The following SBF2 variants were observed in gnomAD, a reference collection of about 807,000 sequenced individuals.
SBF2 encodes the protein myotubularin-related protein 13.
A neutral mutation model predicts 225.2 loss-of-function variants in SBF2; 112 were observed. The observed-to-expected ratio is 0.50, with a 90% confidence interval of 0.43 to 0.58. The LOEUF is 0.58. Ranked by LOEUF, SBF2 falls within the 20% of genes least tolerant of loss-of-function variation. SBF2 has a pLI of 0.00. For missense variants in SBF2, 1,996 were observed against 2,206.2 expected, an observed-to-expected ratio of 0.90 and a Z score of 1.91; for synonymous variants, 763 against 773.3, an observed-to-expected ratio of 0.99 and a Z score of 0.22.
intron 26 of SBF2, chr11:9,838,007 A>C (rs1288372858): frequency 6.9e-6 from 1 of 145,384 alleles, no homozygotes; most frequent in Non-Finnish European, 1.5e-5. Context: ...AAGTGCTGGG[A>C]TTACAGGCGT....
intron 17 of SBF2, among the ~76,000 whole-genome samples, chr11:9,884,865 T>A (rs1860130304): frequency 6.6e-6 from 1 of 152,140 alleles, no homozygotes. Context: ...AAATATTCAA[T>A]CATGTAAACA....
At chr11:9,825,934 T>C (rs961468799) in intron 28 of SBF2, among the ~76,000 whole-genome samples, 7 of 152,232 alleles carry the variant, frequency 4.6e-5, no homozygotes, top group Non-Finnish European at 7.3e-5. Context: ...CAGAGGGGTT[T>C]ATATTATTTT....
rs1170874978 is a variant in SBF2 at position 9,980,289 on chromosome 11, TAA to T, written c.1395+9206_1395+9207del. 8.8e-3 allele frequency among the ~76,000 whole-genome samples: 934 copies of T among 105,822 alleles called. 6 individuals carry two copies. Among genetic ancestry groups the T allele is most frequent in the Middle Eastern group, 0.027 (5 of 188 alleles). The allele number at this position is 105,822 out of a possible 152,430, so 69.4% of individuals were successfully genotyped here. A position where few individuals can be genotyped will look rare whatever the true frequency, so the allele number is the denominator to read the frequency against. ...GCCACCATACCCAGCCTCTTGTAAT[TAA>T]AAAAAAAAAAAAAAAAAAAAAATTT... On this transcript the variant is annotated intron_variant, in intron 13 of 39. Coordinates refer to ENST00000256190, the MANE Select transcript of SBF2 (RefSeq NM_030962.4).
chr11:9,956,865 C>T (rs781620306), intron 16 of SBF2: 10 of 152,158 alleles, frequency 6.6e-5, no homozygotes, highest in Non-Finnish European at 1.0e-4. Context: ...GGAGAAAAGA[C>T]ATTGGGATAC....
chr11:9,843,323 G>A (rs1469920767), intron 24 of SBF2, among the ~76,000 whole-genome samples: 2 of 152,140 alleles, frequency 1.3e-5, no homozygotes, highest in African/African-American at 2.4e-5. Flanking sequence ...TAAACTTTAA[G>A]AAGCATAGAA....
At chr11:10,102,083 C>T (rs570905737) in intron 2 of SBF2, among the ~76,000 whole-genome samples, 2 of 152,186 alleles carry the variant, frequency 1.3e-5, no homozygotes, top group Non-Finnish European at 2.9e-5. Flanking sequence ...GTTTTAAAGA[C>T]TACTGGTAAA....
chr11:10,237,983 A>C (rs559232957), intron 1 of SBF2, among the ~76,000 whole-genome samples: 6 of 152,366 alleles, frequency 3.9e-5, no homozygotes, highest in African/African-American at 1.4e-4. Flanking sequence ...ATTACAAATA[A>C]AGCTACTACG....
rs183455328 is a variant in SBF2, at chr11:10,024,145, A to T, written c.619+4307T>A. Among the ~76,000 whole-genome samples the T allele has an allele frequency of 1.3e-3, 199 of 152,312 alleles. 2 individuals carry two copies. Among genetic ancestry groups the T allele is most frequent in the Admixed American group, 9.9e-3 (152 of 15,300 alleles). On this transcript the variant is annotated intron_variant, in intron 6 of 39. Coordinates refer to ENST00000256190, the MANE Select transcript of SBF2 (RefSeq NM_030962.4). ...TTTCAGGTTAATCTATGTTGCGTGT[A>T]TCAGCCATTCATTTTTCATTTAGCT...
chr11:10,020,448 C>A (rs1948807832), intron 6 of SBF2, among the ~76,000 whole-genome samples: 1 of 152,048 alleles, frequency 6.6e-6, no homozygotes, highest in Non-Finnish European at 1.5e-5. Context: ...CAGAAGCATG[C>A]CAACCTATAA....
At chr11:9,904,803 T>C (rs908179105) in intron 16 of SBF2, among the ~76,000 whole-genome samples, 10 of 152,174 alleles carry the variant, frequency 6.6e-5, no homozygotes, top group South Asian at 4.1e-4. Context: ...GGTGAGAGGA[T>C]TGCTTGAGCT....
intron 2 of SBF2, among the ~76,000 whole-genome samples, chr11:10,082,888 CAACCA>C (rs1590917859): frequency 1.3e-5 from 2 of 152,092 alleles, no homozygotes; most frequent in East Asian, 3.9e-4. Context: ...CCAGCCAGAG[CAACCA>C]GGCAAGAGAA....
intron 38 of SBF2, 69 bp from the exon 39 acceptor site, chr11:9,781,707 C>T: frequency 1.9e-6 from 3 of 1,554,412 alleles, no homozygotes; most frequent in Non-Finnish European, 2.7e-6. Flanking sequence ...TTTCAAACTG[C>T]ATTTGAATAC....
At chr11:9,961,160 C>T (rs770808757) in intron 16 of SBF2, 12 of 152,118 alleles carry the variant, frequency 7.9e-5, no homozygotes, top group Admixed American at 3.3e-4. Flanking sequence ...CCATTCCATA[C>T]AAATGATACA....
At chr11:9,966,002 A>T (rs1866885251) in intron 14 of SBF2, among the ~76,000 whole-genome samples, 1 of 152,236 alleles carries the variant, frequency 6.6e-6, no homozygotes, top group African/African-American at 2.4e-5. Flanking sequence ...TTATGTTTAT[A>T]AACTTTTAAA....
At chr11:9,901,626 T>A (rs1403674751) in intron 16 of SBF2, among the ~76,000 whole-genome samples, 1 of 152,162 alleles carries the variant, frequency 6.6e-6, no homozygotes, top group African/African-American at 2.4e-5. Flanking sequence ...CTATAAACCA[T>A]AAAATCTCAT....
At chr11:10,266,395 G>A (rs965457504) in intron 1 of SBF2, among the ~76,000 whole-genome samples, 1 of 152,158 alleles carries the variant, frequency 6.6e-6, no homozygotes, top group Non-Finnish European at 1.5e-5. Context: ...TCACTATGGG[G>A]AGGGGATATC....
At chr11:10,243,548 A>T (rs969054374) in intron 1 of SBF2, among the ~76,000 whole-genome samples, 1 of 151,986 alleles carries the variant, frequency 6.6e-6, no homozygotes. Flanking sequence ...GAAAAAATTA[A>T]ATTGGAAAAC....
At chr11:9,896,132 C>T (rs1590362543) in intron 16 of SBF2, 121 bp from the exon 17 acceptor site, 1 of 810,148 alleles carries the variant, frequency 1.2e-6, no homozygotes, top group Admixed American at 1.9e-5. Context: ...TTTTATTTTG[C>T]AGAGGACCTG....
intron 19 of SBF2, among the ~76,000 whole-genome samples, chr11:9,855,803 T>C (rs1342511071): frequency 6.6e-6 from 1 of 152,132 alleles, no homozygotes; most frequent in Non-Finnish European, 1.5e-5. Context: ...GAGACCTAAA[T>C]AAAGTGAGGA....
Sources: allele counts gnomAD v4.1 joint callset (sites outside exome capture counted in the v4.1 genomes callset), GRCh38; gene constraint gnomAD v4.1.1; transcripts MANE v1.5; gene names NCBI Gene and HGNC (gene_info 2026-07-23, HGNC 2026-07-21).